The following GRID2 variants were observed in gnomAD, a reference collection of about 807,000 sequenced individuals.
GRID2 encodes glutamate ionotropic receptor delta type subunit 2, also known as glutamate receptor ionotropic, delta-2.
GRID2 carries 33 observed loss-of-function variants against 114.8 expected under a neutral mutation model. That is an observed-to-expected ratio of 0.29 (90% CI 0.22 to 0.38). GRID2 has a LOEUF of 0.38. Ranked by LOEUF, GRID2 falls within the 10% of genes least tolerant of loss-of-function variation. The probability of loss-of-function intolerance (pLI) is 1.00; values close to 1 mark genes in which losing one functional copy is unlikely to be tolerated. For missense variants in GRID2, 1,184 were observed against 1,257.7 expected (o/e 0.94, Z 0.89); for synonymous variants, 505 against 449.9 (o/e 1.12, Z -1.55).
chr4:92,844,490 G>T (rs1374839515), intron 2 of GRID2, among the ~76,000 whole-genome samples: 1 of 151,996 alleles, frequency 6.6e-6, no homozygotes, highest in Non-Finnish European at 1.5e-5. Context: ...AGTGAGCCAA[G>T]ATCATGCCAC....
intron 10 of GRID2, among the ~76,000 whole-genome samples, chr4:93,428,594 G>A (rs912792086): frequency 3.3e-5 from 5 of 152,112 alleles, no homozygotes; most frequent in Non-Finnish European, 7.4e-5. Context: ...ATCAAGAAAA[G>A]ACTTTCAAAC....
chr4:92,446,194 ACCT>A (rs1293918410), intron 1 of GRID2, among the ~76,000 whole-genome samples: 1 of 152,028 alleles, frequency 6.6e-6, no homozygotes, highest in East Asian at 1.9e-4. Flanking sequence ...TGATCAGGCC[ACCT>A]CAACTTCCCA....
chr4:93,718,965 T>A (rs1439915026), intron 14 of GRID2, among the ~76,000 whole-genome samples: 1 of 152,104 alleles, frequency 6.6e-6, no homozygotes, highest in African/African-American at 2.4e-5. Flanking sequence ...GTGATAAAGA[T>A]AAATCATAGC....
chr4:92,429,684 A>G (rs918260859), intron 1 of GRID2, among the ~76,000 whole-genome samples: 2 of 152,282 alleles, frequency 1.3e-5, no homozygotes, highest in Non-Finnish European at 1.5e-5. Flanking sequence ...ATTGCTCTCT[A>G]TAGTGGCTGT....
intron 12 of GRID2, among the ~76,000 whole-genome samples, chr4:93,508,656 A>C (rs1728882783): frequency 6.6e-6 from 1 of 152,166 alleles, no homozygotes; most frequent in South Asian, 2.1e-4. Flanking sequence ...GACCACCATA[A>C]AACAAGTAAG....
chr4:92,979,875 C>A (rs1348601996), intron 2 of GRID2, among the ~76,000 whole-genome samples: 1 of 152,124 alleles, frequency 6.6e-6, no homozygotes, highest in African/African-American at 2.4e-5. Flanking sequence ...GCCAGAATGC[C>A]TGAGAAATTT....
intron 13 of GRID2, among the ~76,000 whole-genome samples, chr4:93,607,609 G>A (rs1435475): frequency 0.061 from 9,215 of 152,152 alleles, 451 homozygotes; most frequent in African/African-American, 0.14. Flanking sequence ...TTGAATAGAT[G>A]TTGCTTTTGA....
In GRID2 at chr4:93,149,426, A is replaced by T. The variant is rs1184496529; in HGVS notation, c.735+38473A>T. ...TTGTCTCTAGTGAAAATACAAAAAA[A>T]TTAGCCAAGTGTGGTGGAGCGCACC... On this transcript the variant is annotated intron_variant, in intron 4 of 15. Transcript: ENST00000282020. Among the ~76,000 whole-genome samples the T allele has an allele frequency of 2.6e-5, 4 of 152,158 alleles. No individual in the cohort carries two copies. The South Asian group carries it at 8.3e-4, about 32-fold the overall frequency.
chr4:93,303,087 G>A (rs951311811), intron 8 of GRID2, among the ~76,000 whole-genome samples: 2 of 152,142 alleles, frequency 1.3e-5, no homozygotes, highest in African/African-American at 4.8e-5. Flanking sequence ...AGAGAAGGAG[G>A]AAGAGGAAAC....
intron 13 of GRID2, among the ~76,000 whole-genome samples, chr4:93,584,041 A>G (rs373746288): frequency 2.6e-4 from 39 of 152,286 alleles, no homozygotes; most frequent in African/African-American, 6.3e-4. Context: ...TTAAATTGGA[A>G]AGAATTTTAG....
At chr4:93,075,469 G>T (rs1468463994) in intron 2 of GRID2, among the ~76,000 whole-genome samples, 1 of 152,134 alleles carries the variant, frequency 6.6e-6, no homozygotes, top group African/African-American at 2.4e-5. Flanking sequence ...GGTGGTACCA[G>T]CTGGTGCAAT....
intron 2 of GRID2, among the ~76,000 whole-genome samples, chr4:92,858,596 C>T (rs549397676): frequency 5.1e-4 from 78 of 152,206 alleles, no homozygotes; most frequent in Non-Finnish European, 8.7e-4. Flanking sequence ...CTCACACTTT[C>T]GCCCAGGCTG....
At chr4:92,896,470 A>G (rs548776589) in intron 2 of GRID2, among the ~76,000 whole-genome samples, 32 of 152,056 alleles carry the variant, frequency 2.1e-4, no homozygotes, top group African/African-American at 5.8e-4. Context: ...AATTTTCACT[A>G]GTGCAGGAAT....
chr4:93,054,263 A>C (rs1401582840), intron 2 of GRID2, among the ~76,000 whole-genome samples: 1 of 151,938 alleles, frequency 6.6e-6, no homozygotes, highest in Non-Finnish European at 1.5e-5. Context: ...GCATTCGCAA[A>C]AATTAAGATA....
At chr4:93,351,785 C>T (rs1467849579) in intron 8 of GRID2, among the ~76,000 whole-genome samples, 1 of 152,070 alleles carries the variant, frequency 6.6e-6, no homozygotes, top group Non-Finnish European at 1.5e-5. Flanking sequence ...CCTACATTTA[C>T]ATAGCCAATA....
At chr4:92,667,277 C>T (rs1214608571) in intron 2 of GRID2, among the ~76,000 whole-genome samples, 2 of 151,532 alleles carry the variant, frequency 1.3e-5, no homozygotes, top group Non-Finnish European at 1.5e-5. Context: ...CCAGAATTCT[C>T]TTATTTTGAG....
intron 4 of GRID2, among the ~76,000 whole-genome samples, chr4:93,128,540 G>A (rs186204591): frequency 1.3e-5 from 2 of 152,180 alleles, no homozygotes; most frequent in Non-Finnish European, 2.9e-5. Context: ...GTTAATGGTG[G>A]TTTAATCTAA....
intron 2 of GRID2, among the ~76,000 whole-genome samples, chr4:92,619,214 A>G (rs543910710): frequency 1.6e-4 from 24 of 151,684 alleles, no homozygotes; most frequent in Non-Finnish European, 2.7e-4. Flanking sequence ...TTCAGGCACT[A>G]TGTTGGCATG....
Position 93,085,153 on chromosome 4 carries a change from C to A in GRID2, c.403C>A (p.Arg135=), listed in dbSNP as rs780468524. The part of the protein sequence containing the change: ...GTPRSGCGLT[R]SNRNDDYTLS... ...CCCAAGGAGTGGCTGTGGACTCACC[C>A]GGAGCAACAGGAATGATGACTACAC... Residue 135 remains arginine (R), a synonymous_variant, in exon 3 of 16, where the codon CGG becomes AGG. Transcript: ENST00000282020. 6.2e-7 allele frequency: 1 copy of A among 1,614,056 alleles called. No homozygotes were observed. The highest frequency in any genetic ancestry group is 1.1e-5 in the South Asian group (1 of 91,082).
Sources: allele counts gnomAD v4.1 joint callset (sites outside exome capture counted in the v4.1 genomes callset), GRCh38; gene constraint gnomAD v4.1.1; transcripts MANE v1.5; gene names NCBI Gene and HGNC (gene_info 2026-07-23, HGNC 2026-07-21).